DLGAP1: variants seen among roughly 807,000 people sequenced by gnomAD.
DLGAP1 encodes DLG associated protein 1.
In DLGAP1, 11 loss-of-function variants were observed where a neutral mutation model predicts 90.8. That is an observed-to-expected ratio of 0.12 (90% CI 0.08 to 0.20). The LOEUF (loss-of-function observed/expected upper bound fraction) is 0.20. DLGAP1 is among the 10% of genes least tolerant of loss of function. The probability of loss-of-function intolerance (pLI) is 1.00; values close to 1 mark genes in which losing one functional copy is unlikely to be tolerated. For missense variants in DLGAP1, 1,050 were observed against 1,333.8 expected (o/e 0.79, Z 3.31); for synonymous variants, 558 against 540.7 (o/e 1.03, Z -0.44).
chr18:4,265,136 C>CTTCCT (rs1476655160), intron 1 of DLGAP1, among the ~76,000 whole-genome samples: 1 of 129,460 alleles, frequency 7.7e-6, no homozygotes, highest in African/African-American at 3.4e-5. Context: ...CCTTCCTTTC[C>CTTCCT]TCCCTCCCTC....
At chr18:4,422,006 G>T (rs2083047825) in intron 1 of DLGAP1, among the ~76,000 whole-genome samples, 1 of 152,122 alleles carries the variant, frequency 6.6e-6, no homozygotes, top group Non-Finnish European at 1.5e-5. Flanking sequence ...GAGCCACCAT[G>T]CCTGGCCTGC....
At chr18:3,901,336 C>T (rs1035673450) in intron 3 of DLGAP1, among the ~76,000 whole-genome samples, 6 of 152,168 alleles carry the variant, frequency 3.9e-5, no homozygotes, top group Non-Finnish European at 8.8e-5. Flanking sequence ...CAATTGTCTC[C>T]TACACTCATT....
intron 9 of DLGAP1, among the ~76,000 whole-genome samples, chr18:3,561,649 T>A (rs1011549488): frequency 1.3e-5 from 2 of 150,766 alleles, no homozygotes; most frequent in Non-Finnish European, 2.9e-5. Flanking sequence ...GATGGGTGTT[T>A]TTGGTTTTTT....
chr18:3,762,223 C>T (rs2064001330), intron 5 of DLGAP1, among the ~76,000 whole-genome samples: 1 of 152,120 alleles, frequency 6.6e-6, no homozygotes, highest in South Asian at 2.1e-4. Flanking sequence ...TTAAGACATC[C>T]AGAAAAACAA....
At chr18:4,031,345 T>C (rs190373215) in intron 2 of DLGAP1, among the ~76,000 whole-genome samples, 20 of 152,340 alleles carry the variant, frequency 1.3e-4, no homozygotes, top group Admixed American at 3.9e-4. Flanking sequence ...ATATATATTG[T>C]ATTTACAAAC....
intron 1 of DLGAP1, among the ~76,000 whole-genome samples, chr18:4,208,051 C>A (rs1359055485): frequency 6.6e-6 from 1 of 152,174 alleles, no homozygotes; most frequent in East Asian, 1.9e-4. Context: ...TAATATTTTT[C>A]ACTTTCAGTG....
At chr18:3,599,360 C>A (rs1160191945) in intron 7 of DLGAP1, among the ~76,000 whole-genome samples, 1 of 152,216 alleles carries the variant, frequency 6.6e-6, no homozygotes, top group African/African-American at 2.4e-5. Flanking sequence ...CTGGGGAACG[C>A]CCCTTAATGG....
chr18:4,149,078 A>T (rs2076631409), intron 2 of DLGAP1, among the ~76,000 whole-genome samples: 1 of 152,262 alleles, frequency 6.6e-6, no homozygotes, highest in Non-Finnish European at 1.5e-5. Flanking sequence ...ACAAAAATTA[A>T]ATTTTTGTGT....
chr18:4,020,225 G>A (rs1165609918), intron 2 of DLGAP1, among the ~76,000 whole-genome samples: 5 of 152,162 alleles, frequency 3.3e-5, no homozygotes, highest in Non-Finnish European at 5.9e-5. Flanking sequence ...TCCAACCCCC[G>A]ACTTCCTGTC....
chr18:4,226,943 A>G (rs1315909600), intron 1 of DLGAP1, among the ~76,000 whole-genome samples: 3 of 151,916 alleles, frequency 2.0e-5, no homozygotes, highest in Non-Finnish European at 4.4e-5. Flanking sequence ...TTTTAAAAAA[A>G]GACTTGTTGC....
At chr18:3,799,860 C>T (rs962214484) in intron 5 of DLGAP1, among the ~76,000 whole-genome samples, 3 of 152,104 alleles carry the variant, frequency 2.0e-5, no homozygotes, top group Admixed American at 6.5e-5. Flanking sequence ...TTAAGACAGC[C>T]AAGGAAAGAG....
chr18:4,142,091 T>C (rs1349746183), intron 2 of DLGAP1, among the ~76,000 whole-genome samples: 2 of 152,136 alleles, frequency 1.3e-5, no homozygotes, highest in Non-Finnish European at 2.9e-5. Flanking sequence ...TTCACAGTCC[T>C]TTTTTAAAAT....
At chr18:4,180,626 T>C (rs767120986) in intron 1 of DLGAP1, among the ~76,000 whole-genome samples, 21 of 152,202 alleles carry the variant, frequency 1.4e-4, no homozygotes, top group Non-Finnish European at 2.8e-4. Context: ...GTTTCAATAC[T>C]AGTACAAAGA....
intron 3 of DLGAP1, among the ~76,000 whole-genome samples, chr18:3,893,426 A>G (rs1320712315): frequency 2.0e-5 from 3 of 151,854 alleles, no homozygotes; most frequent in African/African-American, 7.3e-5. Flanking sequence ...AAAAAATACA[A>G]AAATTAGCTG....
At chr18:4,085,912 T>C (rs2075674196) in intron 2 of DLGAP1, among the ~76,000 whole-genome samples, 1 of 152,232 alleles carries the variant, frequency 6.6e-6, no homozygotes, top group East Asian at 1.9e-4. Context: ...TTTTGCTTAC[T>C]GTGGGAACTT....
chr18:3,963,461 T>C (rs756915539), intron 3 of DLGAP1, among the ~76,000 whole-genome samples: 2 of 152,238 alleles, frequency 1.3e-5, no homozygotes, highest in South Asian at 2.1e-4. Flanking sequence ...ACCTCCTAAT[T>C]ACTGACACAT....
At chr18:4,049,858 C>A (rs938564780) in intron 2 of DLGAP1, among the ~76,000 whole-genome samples, 4 of 151,528 alleles carry the variant, frequency 2.6e-5, no homozygotes, top group Non-Finnish European at 5.9e-5. Context: ...AAACACCTAC[C>A]TACTCATTTA....
chr18:4,206,090 G>A (rs2077714959), intron 1 of DLGAP1, among the ~76,000 whole-genome samples: 1 of 152,120 alleles, frequency 6.6e-6, no homozygotes, highest in South Asian at 2.1e-4. Context: ...ACTTTGACGG[G>A]AAGACACTAG....
At chr18:3,696,553 G>A (rs1440496143) in intron 7 of DLGAP1, among the ~76,000 whole-genome samples, 1 of 152,204 alleles carries the variant, frequency 6.6e-6, no homozygotes, top group African/African-American at 2.4e-5. Context: ...AAGCCTACTT[G>A]ATCGTGGTGG....
Sources: gnomAD v4.1 joint callset for allele counts (sites outside exome capture counted in the v4.1 genomes callset) on GRCh38, gnomAD v4.1.1 for gene constraint, MANE v1.5 for transcripts, NCBI Gene and HGNC (gene_info 2026-07-23, HGNC 2026-07-21) for gene names.